MARCHF11: variants seen among roughly 807,000 people sequenced by gnomAD.
MARCHF11 encodes membrane associated ring-CH-type finger 11.
In MARCHF11, 29 loss-of-function variants were observed where a neutral mutation model predicts 37.3. That is an observed-to-expected ratio of 0.78 (90% confidence interval 0.58 to 1.06). The LOEUF is 1.06. Ranked by LOEUF, MARCHF11 falls within the 50% of genes least tolerant of loss-of-function variation. MARCHF11 has a pLI of 0.00. For missense variants in MARCHF11, 482 were observed against 533.4 expected, an observed-to-expected ratio of 0.90 and a Z score of 0.95; for synonymous variants, 233 against 228.0, an observed-to-expected ratio of 1.02 and a Z score of -0.20.
intron 3 of MARCHF11, among the ~76,000 whole-genome samples, chr5:16,083,343 G>T (rs1256295366): frequency 1.3e-5 from 2 of 152,236 alleles, no homozygotes; most frequent in Non-Finnish European, 1.5e-5. Context: ...GTCTTCAGTG[G>T]ACATTTTGAT....
At chr5:16,080,679 C>T (rs1478357446) in intron 3 of MARCHF11, among the ~76,000 whole-genome samples, 1 of 152,180 alleles carries the variant, frequency 6.6e-6, no homozygotes, top group Non-Finnish European at 1.5e-5. Flanking sequence ...CGCCCCCACC[C>T]CTTCCATCCT....
At chr5:16,080,523 A>G (rs1295567999) in intron 3 of MARCHF11, among the ~76,000 whole-genome samples, 3 of 152,168 alleles carry the variant, frequency 2.0e-5, no homozygotes, top group Non-Finnish European at 4.4e-5. Context: ...TGGATTCCCC[A>G]GAAACTCTGC....
chr5:16,090,562 T>A (rs571262090), intron 3 of MARCHF11, among the ~76,000 whole-genome samples: 78 of 152,226 alleles, frequency 5.1e-4, no homozygotes, highest in Admixed American at 2.0e-3. Context: ...GGGAAACTGG[T>A]TTGCTCTCAT....
chr5:16,131,700 C>T (rs1300617461), intron 2 of MARCHF11, among the ~76,000 whole-genome samples: 1 of 152,196 alleles, frequency 6.6e-6, no homozygotes, highest in Non-Finnish European at 1.5e-5. Context: ...ACTTGGTGGT[C>T]TCCCAGATCC....
chr5:16,071,522 A>G lies in MARCHF11; in HGVS notation c.887-3729T>C, dbSNP rs1361783877. Among the ~76,000 whole-genome samples, 11 of 152,326 alleles carry G rather than the reference A, an allele frequency of 7.2e-5. No individual in the cohort carries two copies. The East Asian group carries it at 1.9e-3, about 27-fold the overall frequency. On this transcript the variant is annotated intron_variant, in intron 3 of 3. Transcript: ENST00000332432. ...TTTTAATTTAAGCAAAATAAAATCA[A>G]AATTTTGAAGTAGTGTGTTACTTGA... is the stretch of plus-strand genomic sequence containing the variant.
intron 2 of MARCHF11, among the ~76,000 whole-genome samples, chr5:16,127,866 GAGA>G (rs1737441080): frequency 6.6e-6 from 1 of 152,220 alleles, no homozygotes; most frequent in Non-Finnish European, 1.5e-5. Context: ...GGGGTCAATG[GAGA>G]AGATTTTAGA....
chr5:16,174,533 C>T (rs1333157390), intron 2 of MARCHF11, among the ~76,000 whole-genome samples: 1 of 152,208 alleles, frequency 6.6e-6, no homozygotes, highest in Non-Finnish European at 1.5e-5. Context: ...AGCGTGTTTT[C>T]CTCACACACA....
chr5:16,090,876 G>T lies in MARCHF11; in HGVS notation c.886+13C>A. On this transcript the variant is annotated intron_variant, in intron 3 of 3. Coordinates refer to ENST00000332432, the MANE Select transcript of MARCHF11 (RefSeq NM_001102562.3). Reference sequence around the variant, plus strand: ...TACTGACAGTGTGTTAACGTTGAAGGTCATGGTCTTACCTATGCACACTAG... The same window carrying T: ...TACTGACAGTGTGTTAACGTTGAAGTTCATGGTCTTACCTATGCACACTAG... 6.6e-7 allele frequency: 1 copy of T among 1,512,606 alleles called. No homozygotes were observed. Among genetic ancestry groups the T allele is most frequent in the Non-Finnish European group, 8.9e-7 (1 of 1,123,676 alleles). 93.7% of individuals were successfully genotyped at this position (1,512,606 alleles called of 1,614,324 possible).
chr5:16,160,194 T>C (rs984303383), intron 2 of MARCHF11, among the ~76,000 whole-genome samples: 22 of 149,392 alleles, frequency 1.5e-4, no homozygotes, highest in Middle Eastern at 3.5e-3. Flanking sequence ...CATCAATATA[T>C]TACAAATATT....
intron 2 of MARCHF11, among the ~76,000 whole-genome samples, chr5:16,128,570 T>C (rs530753416): frequency 1.2e-4 from 19 of 152,294 alleles, no homozygotes; most frequent in African/African-American, 4.6e-4. Flanking sequence ...ACCAGGGAAA[T>C]AGAATTTAAC....
In MARCHF11 at chr5:16,147,806, G is replaced by A. The variant is rs1737823978; in HGVS notation, c.693+29920C>T. ...TGCACACTGGTTTGCAGTTATTTGG[G>A]TCCATTGCCTAAGTACTACTAGAAA... On this transcript the variant is annotated intron_variant, in intron 2 of 3. Coordinates refer to ENST00000332432, the MANE Select transcript of MARCHF11 (RefSeq NM_001102562.3). Among the ~76,000 whole-genome samples the A allele has an allele frequency of 4.6e-5, 7 of 152,034 alleles. No homozygotes were observed. In the South Asian group the frequency reaches 1.5e-3, roughly 32 times the overall value.
At chr5:16,178,095 T>C (rs1738394296) in intron 1 of MARCHF11, among the ~76,000 whole-genome samples, 3 of 152,224 alleles carry the variant, frequency 2.0e-5, no homozygotes, top group Admixed American at 6.5e-5. Flanking sequence ...ACATAAATGT[T>C]CTACCAACAT....
intron 2 of MARCHF11, among the ~76,000 whole-genome samples, chr5:16,103,080 C>A (rs1736985079): frequency 6.8e-6 from 1 of 146,080 alleles, no homozygotes; most frequent in Non-Finnish European, 1.5e-5. Flanking sequence ...CCAGACCCTA[C>A]AGAAGTCACC....
At chr5:16,078,623 CA>C (rs1279043400) in intron 3 of MARCHF11, among the ~76,000 whole-genome samples, 1 of 152,116 alleles carries the variant, frequency 6.6e-6, no homozygotes, top group Non-Finnish European at 1.5e-5. Context: ...CAAAATAGTA[CA>C]AATCCAACAG....
chr5:16,112,351 C>A (rs1737157422), intron 2 of MARCHF11, among the ~76,000 whole-genome samples: 1 of 152,218 alleles, frequency 6.6e-6, no homozygotes. Flanking sequence ...GCCATGGGAA[C>A]CCACCTCTTG....
intron 2 of MARCHF11, among the ~76,000 whole-genome samples, chr5:16,145,052 G>C (rs1737777317): frequency 6.6e-6 from 1 of 152,192 alleles, no homozygotes; most frequent in East Asian, 1.9e-4. Flanking sequence ...TAGTAGAACA[G>C]AGCTGAATAC....
intron 2 of MARCHF11, among the ~76,000 whole-genome samples, chr5:16,132,597 T>C (rs568754816): frequency 1.3e-5 from 2 of 152,174 alleles, no homozygotes; most frequent in Admixed American, 6.5e-5. Context: ...TATTTGGATA[T>C]GGATGATTTA....
chr5:16,160,299 T>C (rs1458630360), intron 2 of MARCHF11, among the ~76,000 whole-genome samples: 5 of 117,894 alleles, frequency 4.2e-5, no homozygotes, highest in Non-Finnish European at 1.7e-5. Flanking sequence ...TTTATATTTA[T>C]ATATTTAATA....
In MARCHF11 at chr5:16,179,045, C is replaced by T. The variant is rs1410761971; in HGVS notation, c.531G>A (p.Ala177=). 4 of 1,479,180 alleles carry T rather than the reference C, an allele frequency of 2.7e-6. No individual in the cohort carries two copies. Among genetic ancestry groups the T allele is most frequent in the African/African-American group, 2.9e-5 (2 of 68,180 alleles). The allele number at this position is 1,479,180 out of a possible 1,614,324, so 91.6% of individuals were successfully genotyped here. Residue 177 remains alanine (A), a synonymous_variant, in exon 1 of 4, where the codon GCG becomes GCA. Coordinates refer to ENST00000332432, the MANE Select transcript of MARCHF11 (RefSeq NM_001102562.3). The part of the protein sequence containing the change: ...QPICKICFQG[A]EQGELLNPCR... ...GGGTCTCGCCGGGCCTTACCTGCTC[C>T]GCGCCCTGGAAGCAGATCTTGCAGA...
Sources: allele counts gnomAD v4.1 joint callset (sites outside exome capture counted in the v4.1 genomes callset), GRCh38; gene constraint gnomAD v4.1.1; transcripts MANE v1.5; gene names NCBI Gene and HGNC (gene_info 2026-07-23, HGNC 2026-07-21).